Variants in SGCD observed in about 807,000 individuals in gnomAD.
SGCD encodes the protein delta-sarcoglycan.
Under a neutral mutation model 36.6 loss-of-function variants are expected in SGCD, and 18 were observed. The observed-to-expected ratio is 0.49, with a 90% CI of 0.34 to 0.73. The LOEUF is 0.73. Among genes scored for constraint, SGCD ranks in the 30% least tolerant of loss-of-function variants. SGCD has a pLI of 0.01. For synonymous variants in SGCD, 133 were observed against 130.6 expected, an observed-to-expected ratio of 1.02 and a Z score of -0.12; for missense variants, 387 against 346.7, an observed-to-expected ratio of 1.12 and a Z score of -0.92.
At chr5:156,167,216 T>C (rs75782547) in intron 3 of SGCD, among the ~76,000 whole-genome samples, 2,189 of 152,334 alleles carry the variant, frequency 0.014, 26 homozygotes, top group Non-Finnish European at 0.024. Flanking sequence ...TATGTTCCCC[T>C]GTCATTCTTC....
chr5:156,086,964 T>C (rs1761113724), intron 1 of SGCD, among the ~76,000 whole-genome samples: 1 of 152,168 alleles, frequency 6.6e-6, no homozygotes, highest in African/African-American at 2.4e-5. Context: ...CTGATTTACT[T>C]GGAGTTGAAA....
At chr5:155,752,612 C>A in the SGCD span, among the ~76,000 whole-genome samples, 2 of 152,110 alleles carry the variant, frequency 1.3e-5, no homozygotes, top group Non-Finnish European at 2.9e-5. Context: ...GATTCCTAAC[C>A]CCCATAGGAC....
At chr5:156,743,287 T>C (rs1756782180) in intron 7 of SGCD, among the ~76,000 whole-genome samples, 2 of 152,120 alleles carry the variant, frequency 1.3e-5, no homozygotes, top group Admixed American at 1.3e-4. Flanking sequence ...AGTTTTTGCA[T>C]TTTTAGTAGA....
intron 4 of SGCD, among the ~76,000 whole-genome samples, chr5:156,579,047 T>G (rs1045618296): frequency 6.6e-6 from 1 of 152,244 alleles, no homozygotes; most frequent in Admixed American, 6.5e-5. Flanking sequence ...TTGTGGGCAT[T>G]TAGTGCTATA....
chr5:155,795,717 C>T, the SGCD span, among the ~76,000 whole-genome samples: 5 of 152,072 alleles, frequency 3.3e-5, no homozygotes, highest in African/African-American at 1.2e-4. Context: ...AATTGTCTCA[C>T]TATTATAGAT....
At chr5:156,636,719 A>G (rs995141640) in intron 6 of SGCD, among the ~76,000 whole-genome samples, 56 of 152,224 alleles carry the variant, frequency 3.7e-4, no homozygotes, top group African/African-American at 1.3e-3. Flanking sequence ...CTCAGCAGTC[A>G]GTGAAAGGTA....
Position 156,143,090 on chromosome 5 carries a change from G to A in SGCD, c.-44+19071G>A, listed in dbSNP as rs187628810. 1.8e-3 allele frequency among the ~76,000 whole-genome samples: 273 copies of A among 152,336 alleles called. 2 individuals are homozygous for A. The highest frequency in any genetic ancestry group is 6.2e-3 in the African/African-American group (258 of 41,584). On this transcript the variant is annotated intron_variant, in intron 3 of 9. Transcript: ENST00000517913. ...GCCAGTTCCAAGGCCCCATTTCCCT[G>A]AGCGACCTCAGGACACTGCTTTTTG... is the stretch of plus-strand genomic sequence containing the variant.
At chr5:156,379,196 A>G (rs1770844105) in intron 3 of SGCD, among the ~76,000 whole-genome samples, 1 of 152,244 alleles carries the variant, frequency 6.6e-6, no homozygotes, top group African/African-American at 2.4e-5. Context: ...ACAAGATAAA[A>G]AGGAAAATAC....
At chr5:155,827,672 CTTTTTTTTT>C in the SGCD span, among the ~76,000 whole-genome samples, 242 of 64,486 alleles carry the variant, frequency 3.8e-3, no homozygotes, top group African/African-American at 0.014. Context: ...CTAAATAATT[CTTTTTTTTT>C]TTTTTTTTTT....
intron 1 of SGCD, among the ~76,000 whole-genome samples, chr5:155,904,189 A>G (rs1756451810): frequency 6.6e-6 from 1 of 152,216 alleles, no homozygotes; most frequent in South Asian, 2.1e-4. Context: ...ACATGCTGAT[A>G]TATTGCTGTA....
At chr5:155,965,432 A>T (rs1757883275) in intron 1 of SGCD, among the ~76,000 whole-genome samples, 1 of 152,090 alleles carries the variant, frequency 6.6e-6, no homozygotes, top group African/African-American at 2.4e-5. Context: ...TGCAGCCTTA[A>T]AAAAGGGAGG....
chr5:156,610,775 G>T (rs1420645268), intron 6 of SGCD, among the ~76,000 whole-genome samples: 1 of 152,222 alleles, frequency 6.6e-6, no homozygotes, highest in East Asian at 1.9e-4. Context: ...CTGCCACCTT[G>T]CAGTTTGATC....
chr5:156,233,325 A>G (rs1405850647), intron 3 of SGCD, among the ~76,000 whole-genome samples: 2 of 152,256 alleles, frequency 1.3e-5, no homozygotes, highest in African/African-American at 4.8e-5. Context: ...AAGCTGCTAT[A>G]ACTTTCAATA....
At chr5:155,906,929 A>G (rs996734952) in intron 1 of SGCD, among the ~76,000 whole-genome samples, 1 of 144,332 alleles carries the variant, frequency 6.9e-6, no homozygotes, top group Non-Finnish European at 1.5e-5. Context: ...CTTTTGGAAG[A>G]AGATGTAATA....
intron 4 of SGCD, among the ~76,000 whole-genome samples, chr5:156,555,029 C>T (rs768340186): frequency 6.6e-6 from 1 of 151,992 alleles, no homozygotes; most frequent in Non-Finnish European, 1.5e-5. Context: ...ATTTGTATAT[C>T]TTCTTTGAAG....
chr5:156,471,341 CA>C (rs1282729737), intron 3 of SGCD, among the ~76,000 whole-genome samples: 4 of 152,014 alleles, frequency 2.6e-5, no homozygotes, highest in African/African-American at 9.6e-5. Flanking sequence ...CTAAGATAGC[CA>C]AAATAATTTT....
chr5:155,832,122 T>C, the SGCD span, among the ~76,000 whole-genome samples: 228 of 152,370 alleles, frequency 1.5e-3, no homozygotes, highest in Non-Finnish European at 8.1e-4. Flanking sequence ...TCTTCAGTTC[T>C]TCAGTTTCAT....
At chr5:156,433,405 T>TG (rs1483738670) in intron 3 of SGCD, among the ~76,000 whole-genome samples, 1 of 152,158 alleles carries the variant, frequency 6.6e-6, no homozygotes. Flanking sequence ...TAAACTGGGT[T>TG]GGGAAACAAG....
At chr5:156,426,507 C>A (rs768628717) in intron 3 of SGCD, among the ~76,000 whole-genome samples, 1 of 151,958 alleles carries the variant, frequency 6.6e-6, no homozygotes, top group Non-Finnish European at 1.5e-5. Context: ...TTTTCTCCCA[C>A]ACTCTAGGTT....
Sources: gnomAD v4.1 joint callset for allele counts (sites outside exome capture counted in the v4.1 genomes callset) on GRCh38, gnomAD v4.1.1 for gene constraint, MANE v1.5 for transcripts, NCBI Gene and HGNC (gene_info 2026-07-23, HGNC 2026-07-21) for gene names.